NECAB2: variants seen among roughly 807,000 people sequenced by gnomAD.
NECAB2 encodes the protein N-terminal EF-hand calcium binding protein 2, also known as N-terminal EF-hand calcium-binding protein 2.
In NECAB2, 68 loss-of-function variants were observed where a neutral mutation model predicts 51.9. The ratio of observed to expected loss-of-function variants is 1.31; its 90% CI spans 1.08 to 1.60. The LOEUF (loss-of-function observed/expected upper bound fraction) is 1.60. Among genes scored for constraint, NECAB2 ranks in the 40% most tolerant of loss-of-function variants. The probability of loss-of-function intolerance (pLI) is 0.00; values close to 1 mark genes in which losing one functional copy is unlikely to be tolerated. For missense variants in NECAB2, 854 were observed against 490.3 expected (o/e 1.74, Z -7.00); for synonymous variants, 329 against 203.5 (o/e 1.62, Z -5.25).
At chr16:83,998,144 G>C (rs2084745624) in intron 9 of NECAB2, 61 bp from the exon 10 acceptor site, 2 of 1,476,424 alleles carry the variant, frequency 1.4e-6, no homozygotes, top group Admixed American at 1.8e-5. Flanking sequence ...GGGGCCTGAT[G>C]GGGTGTTTAG....
At chr16:83,989,529 A>G (rs1311754838) in intron 5 of NECAB2, among the ~76,000 whole-genome samples, 1 of 152,196 alleles carries the variant, frequency 6.6e-6, no homozygotes, top group African/African-American at 2.4e-5. Flanking sequence ...GGGACTGGGC[A>G]GAAATCCAAG....
intron 6 of NECAB2, among the ~76,000 whole-genome samples, 173 bp from the exon 7 acceptor site, chr16:83,994,129 C>T (rs113066036): frequency 1.3e-5 from 2 of 152,358 alleles, no homozygotes; most frequent in African/African-American, 2.4e-5. Flanking sequence ...CTGGCTGAGT[C>T]ACCTGCTTTA....
At chr16:84,000,902 T>C in intron 11 of NECAB2, 101 bp downstream of exon 11, 1 of 1,190,982 alleles carries the variant, frequency 8.4e-7, no homozygotes, top group Non-Finnish European at 1.2e-6. Flanking sequence ...TAAGGCCGAG[T>C]CCAGTCAGCA....
chr16:83,972,878 C>T (rs891189343), intron 2 of NECAB2, among the ~76,000 whole-genome samples: 1 of 152,172 alleles, frequency 6.6e-6, no homozygotes, highest in Non-Finnish European at 1.5e-5. Context: ...CCAGCTGAGC[C>T]TCGGCTGACA....
chr16:83,981,168 T>A (rs762443592), intron 5 of NECAB2, 41 bp downstream of exon 5: 1 of 1,504,652 alleles, frequency 6.6e-7, no homozygotes, highest in South Asian at 1.1e-5. Flanking sequence ...AGGGCTCCAG[T>A]GCTGCTTCAG....
At chr16:83,966,049 G>A (rs774117845), upstream of NECAB2, 7 of 1,405,580 alleles carry the variant, frequency 5.0e-6, no homozygotes, top group Non-Finnish European at 6.6e-6. Context: ...TGAGAGGACA[G>A]AGATGACCAC....
intron 11 of NECAB2, 115 bp from the exon 12 acceptor site, chr16:84,001,710 C>A (rs1183210767): frequency 1.8e-6 from 2 of 1,089,328 alleles, no homozygotes; most frequent in Non-Finnish European, 2.7e-6. Flanking sequence ...GTCCAAAGAC[C>A]CCCCGTGCTT....
At chr16:83,994,799 T>C in intron 8 of NECAB2, 111 bp downstream of exon 8, 1 of 1,231,134 alleles carries the variant, frequency 8.1e-7, no homozygotes, top group Non-Finnish European at 1.2e-6. Flanking sequence ...CAGGGAACCA[T>C]GAAAAAGACA....
Position 84,001,899 on chromosome 16 carries a change from C to G in NECAB2, c.1115C>G (p.Ser372Cys), listed in dbSNP as rs774895031. Residue 372 changes from serine (S) to cysteine (C), a missense_variant, in exon 12 of 13, where the codon TCC becomes TGC. Transcript: ENST00000305202. ...VDTLSQPEAL[S>C]RILVPAAWCT... Reference sequence around the variant, plus strand: ...ACACTGAGCCAGCCTGAGGCCCTCTCCAGGATCTTGGTGCCAGGTAGGGGG... The same window carrying G: ...ACACTGAGCCAGCCTGAGGCCCTCTGCAGGATCTTGGTGCCAGGTAGGGGG... The G allele has an allele frequency of 1.1e-5, 17 of 1,614,010 alleles. No homozygotes were observed. Among genetic ancestry groups the G allele is most frequent in the Admixed American group, 8.3e-5 (5 of 60,016 alleles).
rs1167993859 is a variant in NECAB2 at position 83,998,065 on chromosome 16, A to C, written c.850-140A>C. 4.1e-6 allele frequency: 3 copies of C among 727,564 alleles called. No individual in the cohort carries two copies. In the South Asian group the frequency reaches 5.4e-5, roughly 13 times the overall value. 45.1% of individuals were successfully genotyped at this position (727,564 alleles called of 1,614,324 possible). A position where few individuals can be genotyped will look rare whatever the true frequency, so the allele number is the denominator to read the frequency against. On this transcript the variant is annotated intron_variant, in intron 9 of 12. Coordinates refer to ENST00000305202, the MANE Select transcript of NECAB2 (RefSeq NM_019065.3). Reference sequence around the variant, plus strand: ...CTTAGCCCATTTTTAGTCCATTCTTATCCATTCATGGGTAAGAATGAAAAG... The same window carrying C: ...CTTAGCCCATTTTTAGTCCATTCTTCTCCATTCATGGGTAAGAATGAAAAG...
chr16:83,965,270 C>T, upstream of NECAB2: 1 of 1,607,614 alleles, frequency 6.2e-7, no homozygotes, highest in Non-Finnish European at 8.5e-7. Flanking sequence ...CCAGGCCCAG[C>T]AGCCCTTCTC....
chr16:83,975,592 CAG>C (rs770801994), intron 2 of NECAB2, among the ~76,000 whole-genome samples: 2 of 152,138 alleles, frequency 1.3e-5, no homozygotes, highest in African/African-American at 4.8e-5. Flanking sequence ...GCTCCTGTGA[CAG>C]AGACTTGTTT....
chr16:83,965,292 G>A (rs962242939), upstream of NECAB2: 20 of 1,600,354 alleles, frequency 1.2e-5, no homozygotes, highest in Middle Eastern at 1.7e-4. Context: ...CTGTGGGCCC[G>A]CAACGTGGTC....
At chr16:84,001,412 T>G (rs1455984155) in intron 11 of NECAB2, among the ~76,000 whole-genome samples, 2 of 152,100 alleles carry the variant, frequency 1.3e-5, no homozygotes, top group Non-Finnish European at 2.9e-5. Flanking sequence ...AGGACCCCAG[T>G]GGGAACAGGG....
In NECAB2 at chr16:83,968,790, G is replaced by T; in HGVS notation, c.142G>T (p.Ala48Ser). ...MGEPRESLAP[A>S]APADPGPASP... ...CGAGCCCCGGGAGTCGCTGGCCCCC[G>T]CCGCCCCCGCGGACCCCGGCCCAGC... is the stretch of plus-strand genomic sequence containing the variant. Residue 48 changes from alanine (A) to serine (S), a missense_variant, in exon 1 of 13, where the codon GCC becomes TCC. Coordinates refer to ENST00000305202, the MANE Select transcript of NECAB2 (RefSeq NM_019065.3). 1 of 1,110,600 alleles carries T rather than the reference G, an allele frequency of 9.0e-7. No individual in the cohort carries two copies. The highest frequency in any genetic ancestry group is 1.1e-6 in the Non-Finnish European group (1 of 912,250). The allele number at this position is 1,110,600 out of a possible 1,614,324, so 68.8% of individuals were successfully genotyped here. A position where few individuals can be genotyped will look rare whatever the true frequency, so the allele number is the denominator to read the frequency against.
intron 6 of NECAB2, 88 bp from the exon 7 acceptor site, chr16:83,994,214 C>A: frequency 8.5e-7 from 1 of 1,181,280 alleles, no homozygotes; most frequent in Non-Finnish European, 1.3e-6. Context: ...CACTGTCTTG[C>A]GTAATAAATG....
In NECAB2 at chr16:84,002,329, A is replaced by T; in HGVS notation, c.1144A>T (p.Thr382Ser). The change falls in exon 13 of 13, where the codon ACG becomes TCG. Residue 382 changes from threonine (T) to serine (S), a missense_variant. Physicochemically the swap from Thr to Ser is moderately conservative, Grantham distance 58. Transcript: ENST00000305202. ...SRILVPAAWC[T>S]VGRD ...CTCTCTCCTTTTAGCTGCTTGGTGCACGGTGGGACGGGACTGACAGCCTCC... is the reference window on the plus strand; with the variant it reads ...CTCTCTCCTTTTAGCTGCTTGGTGCTCGGTGGGACGGGACTGACAGCCTCC... 1 of 1,613,924 alleles carries T rather than the reference A, an allele frequency of 6.2e-7. No individual in the cohort carries two copies.
intron 3 of NECAB2, among the ~76,000 whole-genome samples, chr16:83,980,610 C>A (rs1293796400): frequency 6.6e-6 from 1 of 152,126 alleles, no homozygotes; most frequent in Non-Finnish European, 1.5e-5. Context: ...TCAGCAGACT[C>A]CGAGAAAACA....
upstream of NECAB2, among the ~76,000 whole-genome samples, chr16:83,966,866 T>C (rs545676417): frequency 1.1e-4 from 17 of 152,338 alleles, no homozygotes; most frequent in African/African-American, 1.9e-4. Context: ...TACCTTTTCA[T>C]AGCAGTGCAG....
Sources: gnomAD v4.1 joint callset for allele counts (sites outside exome capture counted in the v4.1 genomes callset) on GRCh38, gnomAD v4.1.1 for gene constraint, MANE v1.5 for transcripts, NCBI Gene and HGNC (gene_info 2026-07-23, HGNC 2026-07-21) for gene names.